ABCA9: variants seen among roughly 807,000 people sequenced by gnomAD.
The protein encoded by ABCA9 is ATP-binding cassette sub-family A member 9.
Under a neutral mutation model 205.3 loss-of-function variants are expected in ABCA9, and 183 were observed. That is an observed-to-expected ratio of 0.89 (90% CI 0.79 to 1.01). The LOEUF (loss-of-function observed/expected upper bound fraction) is 1.01. ABCA9 is among the 50% of genes least tolerant of loss of function. The probability of loss-of-function intolerance (pLI) is 0.00; values close to 1 mark genes in which losing one functional copy is unlikely to be tolerated. For synonymous variants in ABCA9, 651 were observed against 683.3 expected (o/e 0.95, Z 0.74); for missense variants, 1,805 against 1,912.4 (o/e 0.94, Z 1.05).
intron 37 of ABCA9, among the ~76,000 whole-genome samples, chr17:68,981,795 CTCCAGCCT>C (rs2069061263): frequency 6.9e-6 from 1 of 143,970 alleles, no homozygotes; most frequent in South Asian, 2.2e-4. Context: ...CACTGCACCA[CTCCAGCCT>C]GCCAGCCTGG....
At position 69,024,170 on chromosome 17, in the gene ABCA9, T is replaced by TAACA. The variant is rs945623652; in HGVS notation, c.2281+40_2281+43dup. On this transcript the variant is annotated intron_variant, in intron 17 of 38. Transcript: ENST00000340001. ...TTCTTATCACCACTGTTATTGTTAA[T>TAACA]AACACCATTCCAAAACCATTCTGTC... 3 of 1,603,858 alleles carry TAACA rather than the reference T, an allele frequency of 1.9e-6. No individual in the cohort carries two copies. In the African/African-American group the frequency reaches 4.0e-5, roughly 22 times the overall value.
Position 69,016,347 on chromosome 17 carries a change from C to A in ABCA9, c.2945G>T (p.Cys982Phe). ...SIACNTKRLN[C>F]FPVLLDVISN... ...AATGACATCCAGGAGGACAGGAAAG[C>A]AATTCAGCCGTTTTGTATTACATGC... The change falls in exon 22 of 39, where the codon TGC becomes TTC. Residue 982 changes from cysteine (C) to phenylalanine (F), a missense_variant. Coordinates refer to ENST00000340001, the MANE Select transcript of ABCA9 (RefSeq NM_080283.4). 6.2e-7 allele frequency: 1 copy of A among 1,602,384 alleles called. No individual in the cohort carries two copies. Among genetic ancestry groups the A allele is most frequent in the Non-Finnish European group, 8.5e-7 (1 of 1,175,688 alleles).
At position 69,029,223 on chromosome 17, in the gene ABCA9, TG is replaced by T. The variant is rs1474177786; in HGVS notation, c.1449del (p.Asn485IlefsTer13). The T allele has an allele frequency of 6.4e-7, 1 of 1,555,124 alleles. No individual in the cohort carries two copies. The highest frequency in any genetic ancestry group is 8.8e-7 in the Non-Finnish European group (1 of 1,137,478). ...CCTGCATATTCTTTTTTAAGATTTT[TG>T]ATTCTGAAAAAAAGAGGGAAATGTT... ...PEFCGKEAIR[I>X]KNLKKEYAGK... On this transcript the variant is annotated frameshift_variant, in exon 11 of 39. Coordinates refer to ENST00000340001, the MANE Select transcript of ABCA9 (RefSeq NM_080283.4). LOFTEE classifies it high-confidence loss of function.
intron 37 of ABCA9, among the ~76,000 whole-genome samples, chr17:68,982,208 G>A (rs754963810): frequency 1.3e-5 from 2 of 152,174 alleles, no homozygotes; most frequent in Non-Finnish European, 2.9e-5. Context: ...TTCTCCCAGA[G>A]CCTTGTTCAA....
intron 31 of ABCA9, among the ~76,000 whole-genome samples, chr17:68,988,717 GA>G (rs2069333360): frequency 6.6e-6 from 1 of 152,182 alleles, no homozygotes; most frequent in South Asian, 2.1e-4. Flanking sequence ...CATGCTGGGT[GA>G]GGGCATTAAA....
chr17:69,037,192 A>T (rs554990492), intron 6 of ABCA9, among the ~76,000 whole-genome samples: 1 of 152,158 alleles, frequency 6.6e-6, no homozygotes, highest in Middle Eastern at 3.2e-3. Context: ...TAGGACTTGA[A>T]CTTAGCTATG....
At chr17:69,004,704 C>T (rs1404240280) in intron 25 of ABCA9, 520 of 165,254 alleles carry the variant, frequency 3.1e-3, no homozygotes, top group Non-Finnish European at 5.5e-3. Flanking sequence ...GGCGCCCCTC[C>T]CCCAGCCTCG....
intron 1 of ABCA9, among the ~76,000 whole-genome samples, chr17:69,054,354 T>C (rs1294527997): frequency 5.3e-5 from 8 of 151,722 alleles, no homozygotes; most frequent in Non-Finnish European, 1.2e-4. Flanking sequence ...AGACCCTGTC[T>C]CTACAAAAAC....
chr17:69,078,424 C>T, the ABCA9 span, among the ~76,000 whole-genome samples: 1 of 152,142 alleles, frequency 6.6e-6, no homozygotes, highest in Non-Finnish European at 1.5e-5. Flanking sequence ...GTCTCGAACT[C>T]CTGACCTTGT....
chr17:68,975,717 A>C lies in ABCA9; in HGVS notation c.*198T>G. On this transcript the variant is annotated 3_prime_UTR_variant, in exon 39 of 39. Coordinates refer to ENST00000340001, the MANE Select transcript of ABCA9 (RefSeq NM_080283.4). ...GTTGCTGGCACAAAGGCTGCATGGT[A>C]TGGCTTAGGCTTATGCCCTATGATC... is the stretch of plus-strand genomic sequence containing the variant. The C allele has an allele frequency of 2.0e-6, 1 of 503,352 alleles. No individual in the cohort carries two copies. Among genetic ancestry groups the C allele is most frequent in the East Asian group, 3.1e-5 (1 of 32,578 alleles). 31.2% of individuals were successfully genotyped at this position (503,352 alleles called of 1,614,324 possible).
At chr17:69,009,991 C>T (rs62085385) in intron 23 of ABCA9, among the ~76,000 whole-genome samples, 12,654 of 152,072 alleles carry the variant, frequency 0.083, 730 homozygotes, top group Admixed American at 0.16. Flanking sequence ...AACTGGGTGT[C>T]TGTAATTTTA....
At chr17:69,021,659 A>T in intron 18 of ABCA9, 83 bp downstream of exon 18, 1 of 932,822 alleles carries the variant, frequency 1.1e-6, no homozygotes, top group South Asian at 1.8e-5. Flanking sequence ...ACTGCACACA[A>T]AGATAAAATC....
upstream of ABCA9, among the ~76,000 whole-genome samples, chr17:69,065,161 T>A (rs2072333816): frequency 6.6e-6 from 1 of 152,220 alleles, no homozygotes; most frequent in Admixed American, 6.5e-5. Flanking sequence ...GGTTTTGTCC[T>A]ACATGGCACT....
intron 11 of ABCA9, 100 bp from the exon 12 acceptor site, chr17:69,028,745 G>T (rs1598391829): frequency 1.8e-6 from 1 of 559,032 alleles, no homozygotes; most frequent in East Asian, 3.1e-5. Flanking sequence ...GATTGAGCTA[G>T]CAATATTCAA....
intron 6 of ABCA9, chr17:69,042,364 T>C (rs2071574293): frequency 6.6e-6 from 1 of 152,240 alleles, no homozygotes; most frequent in Non-Finnish European, 1.5e-5. Flanking sequence ...TTAAAGAGTT[T>C]AAGTAATTTT....
chr17:69,059,326 T>C (rs367701401), intron 1 of ABCA9, among the ~76,000 whole-genome samples: 1 of 151,930 alleles, frequency 6.6e-6, no homozygotes, highest in African/African-American at 2.4e-5. Context: ...GACTTTGAAA[T>C]AGGGAGATCA....
chr17:69,064,696 T>C (rs893377888), upstream of ABCA9, among the ~76,000 whole-genome samples: 2 of 152,182 alleles, frequency 1.3e-5, no homozygotes, highest in Admixed American at 6.5e-5. Context: ...GAGGGATGAC[T>C]CACCAAATGC....
chr17:69,072,588 T>C, the ABCA9 span, among the ~76,000 whole-genome samples: 30 of 150,970 alleles, frequency 2.0e-4, 1 homozygote, highest in Non-Finnish European at 3.5e-4. Flanking sequence ...CAAGAGCTCC[T>C]GAAGGAAGCA....
Position 69,033,771 on chromosome 17 carries a change from G to A in ABCA9, c.1231C>T (p.Leu411Phe), listed in dbSNP as rs758514906. 4 of 1,612,186 alleles carry A rather than the reference G, an allele frequency of 2.5e-6. 1 individual carries two copies. The South Asian group carries it at 3.3e-5, about 13-fold the overall frequency. ...ATLFMLVFDT[L>F]LYLVLTLYFD... ...TATAATGTCAATACCAAATACAGAA[G>A]GGTGTCAAAAACCAACATGAAAAGA... Residue 411 changes from leucine to phenylalanine, a missense_variant, in exon 9 of 39, where the codon CTT becomes TTT. By Grantham distance (22) the Leu-to-Phe change is conservative. Coordinates refer to ENST00000340001, the MANE Select transcript of ABCA9 (RefSeq NM_080283.4).
Sources: gnomAD v4.1 joint callset for allele counts (sites outside exome capture counted in the v4.1 genomes callset) on GRCh38, gnomAD v4.1.1 for gene constraint, MANE v1.5 for transcripts, NCBI Gene and HGNC (gene_info 2026-07-23, HGNC 2026-07-21) for gene names.